PIEZO2: variants seen among roughly 807,000 people sequenced by gnomAD.
The protein encoded by PIEZO2 is piezo type mechanosensitive ion channel component 2, also known as piezo-type mechanosensitive ion channel component 2.
In PIEZO2, 172 loss-of-function variants were observed where a neutral mutation model predicts 337.3. The observed-to-expected ratio is 0.51, with a 90% CI of 0.45 to 0.58. The LOEUF (loss-of-function observed/expected upper bound fraction) is 0.58. Ranked by LOEUF, PIEZO2 falls within the 20% of genes least tolerant of loss-of-function variation. The pLI is 0.00. For missense variants in PIEZO2, 3,028 were observed against 3,391.3 expected, an observed-to-expected ratio of 0.89 and a Z score of 2.66; for synonymous variants, 1,251 against 1,228.5, an observed-to-expected ratio of 1.02 and a Z score of -0.38.
Position 10,699,002 on chromosome 18 carries a change from G to A in PIEZO2, c.6617C>T (p.Ala2206Val). The change falls in exon 44 of 56, where the codon GCT (alanine) becomes GTT (valine). Residue 2206 changes from alanine to valine, a missense_variant. Physicochemically the swap from Ala to Val is moderately conservative, Grantham distance 64. Around this residue, in one of 5 missense-constraint regions of PIEZO2, gnomAD observed 1,925 missense variants for 2,051.9 expected, o/e 0.94. Coordinates refer to ENST00000674853, the MANE Select transcript of PIEZO2 (RefSeq NM_001378183.1). ...GCTGCCGGAGCGCTTCCTCCGGACA[G>A]CTGTCTGCTGCTCCGGGAAGGTCAC... ...VHVTFPEQQTAVRRKRSGSSS... is the reference protein window; with the variant it reads ...VHVTFPEQQTVVRRKRSGSSS... The A allele has an allele frequency of 6.5e-7, 1 of 1,537,058 alleles. No individual in the cohort carries two copies. The highest frequency in any genetic ancestry group is 2.4e-5 in the East Asian group (1 of 40,910).
chr18:10,792,330 C>G (rs1012258608), intron 13 of PIEZO2, among the ~76,000 whole-genome samples: 1 of 152,148 alleles, frequency 6.6e-6, no homozygotes. Context: ...TTGTCTAATT[C>G]AGTGGTTTTT....
intron 2 of PIEZO2, among the ~76,000 whole-genome samples, chr18:11,026,881 A>G (rs1405096648): frequency 6.6e-6 from 1 of 152,340 alleles, no homozygotes; most frequent in African/African-American, 2.4e-5. Context: ...AGGAAGAGGG[A>G]AAAAAGAGGC....
rs541163024 is a variant in PIEZO2 at position 11,136,658 on chromosome 18, A to C, written c.64+11867T>G. On this transcript the variant is annotated intron_variant, in intron 1 of 55. Coordinates refer to ENST00000674853, the MANE Select transcript of PIEZO2 (RefSeq NM_001378183.1). ...AGTGTTTAGTTTGATGAGAGGAAGG[A>C]GAGGGGGTTGAAGAACAGGAAGCTC... Among the ~76,000 whole-genome samples, 243 of 152,338 alleles carry C rather than the reference A, an allele frequency of 1.6e-3. 1 individual carries two copies. Among genetic ancestry groups the C allele is most frequent in the Non-Finnish European group, 2.7e-3 (182 of 68,026 alleles).
chr18:10,807,940 G>A (rs1426635517), intron 7 of PIEZO2, among the ~76,000 whole-genome samples: 3 of 152,120 alleles, frequency 2.0e-5, no homozygotes, highest in Non-Finnish European at 4.4e-5. Context: ...TAATCAGAAT[G>A]TGTCTGATTA....
chr18:11,139,507 G>C (rs1053866616), intron 1 of PIEZO2, among the ~76,000 whole-genome samples: 1 of 152,026 alleles, frequency 6.6e-6, no homozygotes, highest in Non-Finnish European at 1.5e-5. Flanking sequence ...TGGGCATCTA[G>C]ATCATACCTG....
At chr18:10,685,743 G>A (rs3903586) in intron 49 of PIEZO2, among the ~76,000 whole-genome samples, 37,517 of 152,114 alleles carry the variant, frequency 0.25, 6,099 homozygotes, top group African/African-American at 0.46. Flanking sequence ...TGACCTGTTC[G>A]CCCAAGTGAA....
Position 10,714,831 on chromosome 18 carries a change from C to T in PIEZO2, c.5356G>A (p.Gly1786Arg), listed in dbSNP as rs753528530. 30 of 1,537,092 alleles carry T rather than the reference C, an allele frequency of 2.0e-5. No homozygotes were observed. Among genetic ancestry groups the T allele is most frequent in the Middle Eastern group, 1.7e-4 (1 of 6,012 alleles). ...SGLDTIDEHP[G>R]AASGAQTAHR... ...GCTGTCTGTGCACCTGAAGCAGCTC[C>T]GGGATGCTCGTCAATGGTGTCCAGT... Residue 1786 changes from glycine (G) to arginine (R), a missense_variant, in exon 39 of 56, where the codon GGA (glycine) becomes AGA (arginine). This residue lies in a region of PIEZO2 where 1,925 missense variants were observed against 2,051.9 expected (regional missense o/e 0.94). Coordinates refer to ENST00000674853, the MANE Select transcript of PIEZO2 (RefSeq NM_001378183.1).
In PIEZO2 at chr18:10,750,334, C is replaced by A; in HGVS notation, c.4168-147G>T. ...CAATTGTACCTAAAAATTCAGTCAC[C>A]TTGTGGTAGTGCTTCAGGAGCAATG... is the stretch of plus-strand genomic sequence containing the variant. On this transcript the variant is annotated intron_variant, in intron 28 of 55. Transcript: ENST00000674853. The surrounding 1 kb of genome is among the most constrained non-coding windows in gnomAD (Gnocchi z 4.1). The A allele has an allele frequency of 1.6e-6, 1 of 619,630 alleles. No individual in the cohort carries two copies. Among genetic ancestry groups the A allele is most frequent in the South Asian group, 2.0e-5 (1 of 50,368 alleles). The allele number at this position is 619,630 out of a possible 1,614,324, so 38.4% of individuals were successfully genotyped here.
In PIEZO2 at chr18:11,121,668, T is replaced by C. The variant is rs572704950; in HGVS notation, c.64+26857A>G. Among the ~76,000 whole-genome samples, 11 of 152,318 alleles carry C rather than the reference T, an allele frequency of 7.2e-5. No homozygotes were observed. The South Asian group carries it at 2.3e-3, about 32-fold the overall frequency. Reference sequence around the variant, plus strand: ...GCTCCCCAGCCTTCTCAAATATCTCTTGGCAAGGCTTTCATTTGAATTCCA... The same window carrying C: ...GCTCCCCAGCCTTCTCAAATATCTCCTGGCAAGGCTTTCATTTGAATTCCA... On this transcript the variant is annotated intron_variant, in intron 1 of 55. Coordinates refer to ENST00000674853, the MANE Select transcript of PIEZO2 (RefSeq NM_001378183.1).
At position 10,759,440 on chromosome 18, in the gene PIEZO2, C is replaced by G; in HGVS notation, c.3757+42G>C. 1 of 1,479,364 alleles carries G rather than the reference C, an allele frequency of 6.8e-7. No individual in the cohort carries two copies. The highest frequency in any genetic ancestry group is 9.1e-7 in the Non-Finnish European group (1 of 1,096,018). The allele number at this position is 1,479,364 out of a possible 1,614,324, so 91.6% of individuals were successfully genotyped here. A position where few individuals can be genotyped will look rare whatever the true frequency, so the allele number is the denominator to read the frequency against. The stretch of plus-strand genomic sequence containing the variant: ...ACGTGAACAATGATTAACAGTAAAC[C>G]CGGATACCAGCACTCTGTGGCCCTG... On this transcript the variant is annotated intron_variant, in intron 26 of 55. Coordinates refer to ENST00000674853, the MANE Select transcript of PIEZO2 (RefSeq NM_001378183.1). The surrounding 1 kb of genome is among the most constrained non-coding windows in gnomAD (Gnocchi z 5.5).
chr18:10,806,759 C>T (rs979911260), intron 8 of PIEZO2, among the ~76,000 whole-genome samples: 1 of 152,164 alleles, frequency 6.6e-6, no homozygotes, highest in South Asian at 2.1e-4. Flanking sequence ...TTTTCCTCAT[C>T]TGTAAATGGG....
intron 4 of PIEZO2, among the ~76,000 whole-genome samples, chr18:10,906,247 G>A (rs2029910362): frequency 6.6e-6 from 1 of 152,148 alleles, no homozygotes; most frequent in African/African-American, 2.4e-5. Flanking sequence ...TCCAAGTGGA[G>A]CATCAAATAA....
chr18:10,799,972 CAA>C (rs34096733), intron 11 of PIEZO2, among the ~76,000 whole-genome samples: 65,548 of 128,210 alleles, frequency 0.51, 15,005 homozygotes, highest in Middle Eastern at 0.59. Flanking sequence ...GACTCTGTCT[CAA>C]AAAAAAAAAA....
intron 37 of PIEZO2, 46 bp downstream of exon 37, chr18:10,718,154 T>C (rs2036090089): frequency 6.8e-7 from 1 of 1,464,040 alleles, no homozygotes; most frequent in Non-Finnish European, 9.3e-7. Context: ...TGGGCAGGTA[T>C]CATTTTCAAA....
chr18:10,768,231 T>G (rs1267353289), intron 21 of PIEZO2, among the ~76,000 whole-genome samples: 1 of 152,192 alleles, frequency 6.6e-6, no homozygotes, highest in Non-Finnish European at 1.5e-5. Context: ...AGTGAGATTT[T>G]GCTCACTTAA....
At chr18:10,697,403 G>A (rs763381163) in intron 45 of PIEZO2, among the ~76,000 whole-genome samples, 4 of 152,188 alleles carry the variant, frequency 2.6e-5, no homozygotes, top group Non-Finnish European at 5.9e-5. Context: ...GGATAAGAGT[G>A]CAGGTCTAAG....
At chr18:11,076,665 C>T (rs1339646626) in intron 1 of PIEZO2, among the ~76,000 whole-genome samples, 1 of 151,930 alleles carries the variant, frequency 6.6e-6, no homozygotes, top group Non-Finnish European at 1.5e-5. Context: ...ATATTAGCAA[C>T]AGTATTAAGC....
chr18:11,076,548 T>C (rs1164392142), intron 1 of PIEZO2, among the ~76,000 whole-genome samples: 2 of 143,442 alleles, frequency 1.4e-5, no homozygotes, highest in Non-Finnish European at 3.1e-5. Context: ...ACTAAGATCT[T>C]AGTTTGTTTT....
chr18:11,144,795 C>A (rs1455441094), intron 1 of PIEZO2, among the ~76,000 whole-genome samples: 2 of 152,180 alleles, frequency 1.3e-5, no homozygotes, highest in African/African-American at 4.8e-5. Flanking sequence ...CAGCCATGAT[C>A]TCTAATCCCC....
Sources: gnomAD v4.1 joint callset for allele counts (sites outside exome capture counted in the v4.1 genomes callset) on GRCh38, gnomAD v4.1.1 for gene constraint, gnomAD v4.1.1 regional missense constraint, Gnocchi (gnomAD v3.1) non-coding constraint, MANE v1.5 for transcripts, NCBI Gene and HGNC (gene_info 2026-07-23, HGNC 2026-07-21) for gene names.